The following RAB4A variants were observed in gnomAD, a reference collection of about 807,000 sequenced individuals.
RAB4A encodes the protein ras-related protein Rab-4A.
A neutral mutation model predicts 34.5 loss-of-function variants in RAB4A; 20 were observed. The ratio of observed to expected loss-of-function variants is 0.58; its 90% CI spans 0.41 to 0.84. RAB4A has a LOEUF of 0.84. Among genes scored for constraint, RAB4A ranks in the 40% least tolerant of loss-of-function variants. The probability of loss-of-function intolerance (pLI) is 0.00; values close to 1 mark genes in which losing one functional copy is unlikely to be tolerated. For missense variants in RAB4A, 228 were observed against 274.5 expected, an observed-to-expected ratio of 0.83 and a Z score of 1.20; for synonymous variants, 102 against 100.0, an observed-to-expected ratio of 1.02 and a Z score of -0.12.
intron 3 of RAB4A, among the ~76,000 whole-genome samples, chr1:229,294,361 C>A (rs1224869675): frequency 2.6e-5 from 4 of 152,294 alleles, no homozygotes; most frequent in Non-Finnish European, 2.9e-5. Context: ...GGCTGGTGAG[C>A]GGGAGGAAGA....
At chr1:229,281,847 T>TATATATATATATA (rs1257120951) in intron 1 of RAB4A, among the ~76,000 whole-genome samples, 1 of 137,646 alleles carries the variant, frequency 7.3e-6, no homozygotes, top group African/African-American at 2.6e-5. Context: ...TATATATATA[T>TATATATATATATA]CATAGTTTAC....
intron 1 of RAB4A, among the ~76,000 whole-genome samples, chr1:229,281,736 T>A (rs780650847): frequency 1.3e-5 from 2 of 151,128 alleles, no homozygotes; most frequent in Admixed American, 6.6e-5. Context: ...TTACCAAGAG[T>A]GCTGTGGAAT....
At chr1:229,297,356 T>TTCA in intron 4 of RAB4A, 126 bp from the exon 5 acceptor site, 1 of 911,820 alleles carries the variant, frequency 1.1e-6, no homozygotes, top group Non-Finnish European at 1.6e-6. Flanking sequence ...TTGTCTGAGT[T>TTCA]ATCTTAAAGG....
chr1:229,299,006 A>C lies in RAB4A; in HGVS notation c.475A>C (p.Thr159Pro). ...GATGTTTTTGGAAACAAGTGCGCTC[A>C]CAGGGGAGAATGTAGAAGAGGCTTT... Reference protein sequence around the residue: ...ELMFLETSALTGENVEEAFVQ... With the variant: ...ELMFLETSALPGENVEEAFVQ... The change falls in exon 6 of 8, where the codon ACA becomes CCA. Residue 159 changes from threonine to proline, a missense_variant. Transcript: ENST00000366690. 6.2e-7 allele frequency: 1 copy of C among 1,611,700 alleles called. No homozygotes were observed. Among genetic ancestry groups the C allele is most frequent in the Non-Finnish European group, 8.5e-7 (1 of 1,179,496 alleles).
chr1:229,276,581 G>A (rs930528511), intron 1 of RAB4A, among the ~76,000 whole-genome samples: 21 of 151,180 alleles, frequency 1.4e-4, no homozygotes, highest in African/African-American at 5.2e-4. Context: ...AATTATTCAC[G>A]CCTATGCCCC....
intron 5 of RAB4A, among the ~76,000 whole-genome samples, chr1:229,298,082 A>G (rs1244820784): frequency 6.6e-6 from 1 of 152,226 alleles, no homozygotes; most frequent in Non-Finnish European, 1.5e-5. Flanking sequence ...GACAACTTTG[A>G]AACTTTTTTG....
Position 229,302,403 on chromosome 1 carries a change from CT to C in RAB4A, c.542-457del, listed in dbSNP as rs1395225916. 3.5e-5 allele frequency among the ~76,000 whole-genome samples: 5 copies of C among 144,634 alleles called. No homozygotes were observed. The East Asian group carries it at 1.0e-3, about 30-fold the overall frequency. The allele number at this position is 144,634 out of a possible 152,430, so 94.9% of individuals were successfully genotyped here. A position where few individuals can be genotyped will look rare whatever the true frequency, so the allele number is the denominator to read the frequency against. On this transcript the variant is annotated intron_variant, in intron 6 of 7. Transcript: ENST00000366690. ...GTCAGAGAACATAAGCATTTGGGAT[CT>C]TGGTGTAGAGGCTGTCACATTTTCT...
chr1:229,291,951 G>A (rs1051948668), intron 3 of RAB4A, among the ~76,000 whole-genome samples: 2 of 151,582 alleles, frequency 1.3e-5, no homozygotes, highest in African/African-American at 4.8e-5. Flanking sequence ...ATCATTCTCA[G>A]TAAACTATCG....
chr1:229,305,217 A>C lies in RAB4A; in HGVS notation c.*1424A>C. On this transcript the variant is annotated 3_prime_UTR_variant, in exon 8 of 8. Coordinates refer to ENST00000366690, the MANE Select transcript of RAB4A (RefSeq NM_004578.4). ...TTTTATGCCTTGAATATTTTATTTCAAAAAGTATCTGAAGCAAATTCTCAG... is the reference window on the plus strand; with the variant it reads ...TTTTATGCCTTGAATATTTTATTTCCAAAAGTATCTGAAGCAAATTCTCAG... 1 of 1,610,154 alleles carries C rather than the reference A, an allele frequency of 6.2e-7. No homozygotes were observed. Among genetic ancestry groups the C allele is most frequent in the Non-Finnish European group, 8.5e-7 (1 of 1,178,434 alleles).
At chr1:229,294,888 G>A (rs1657195875) in intron 3 of RAB4A, among the ~76,000 whole-genome samples, 1 of 152,090 alleles carries the variant, frequency 6.6e-6, no homozygotes, top group Non-Finnish European at 1.5e-5. Context: ...AAAAGATGGT[G>A]CAGCATATTT....
Position 229,288,716 on chromosome 1 carries a change from TTTTC to T in RAB4A, c.113-9_113-6del. On this transcript the variant is annotated splice_polypyrimidine_tract_variant and intron_variant, in intron 2 of 7. Coordinates refer to ENST00000366690, the MANE Select transcript of RAB4A (RefSeq NM_004578.4). Reference sequence around the variant, plus strand: ...CTAAAATTAAATATGCTGTTCTTGTTTTTCTTTTTTAGTCAAAGATGACTCAAAT... The same window carrying T: ...CTAAAATTAAATATGCTGTTCTTGTTTTTTTTAGTCAAAGATGACTCAAAT... 7.4e-7 allele frequency: 1 copy of T among 1,349,096 alleles called. No homozygotes were observed. The highest frequency in any genetic ancestry group is 1.0e-6 in the Non-Finnish European group (1 of 955,626). 83.6% of individuals were successfully genotyped at this position (1,349,096 alleles called of 1,614,324 possible). A position where few individuals can be genotyped will look rare whatever the true frequency, so the allele number is the denominator to read the frequency against.
chr1:229,302,280 TATATATATATATATATATATATATATATA>T (rs1657412064), intron 6 of RAB4A, among the ~76,000 whole-genome samples: 6 of 19,818 alleles, frequency 3.0e-4, no homozygotes, highest in East Asian at 1.1e-3. Flanking sequence ...TATATATATA[TATATATATATATATATATATATATATATA>T]TTTTTTTTTT....
In RAB4A at chr1:229,305,446, C is replaced by A; in HGVS notation, c.*1653C>A. 1.5e-6 allele frequency: 1 copy of A among 672,014 alleles called. No individual in the cohort carries two copies. The highest frequency in any genetic ancestry group is 2.4e-6 in the Non-Finnish European group (1 of 423,446). The allele number at this position is 672,014 out of a possible 1,614,324, so 41.6% of individuals were successfully genotyped here. A position where few individuals can be genotyped will look rare whatever the true frequency, so the allele number is the denominator to read the frequency against. On this transcript the variant is annotated 3_prime_UTR_variant, in exon 8 of 8. Coordinates refer to ENST00000366690, the MANE Select transcript of RAB4A (RefSeq NM_004578.4). The stretch of plus-strand genomic sequence containing the variant: ...TTATAAACGATCCTGTTAATTAAAC[C>A]ACAGACACCATATATCCTTCTGCAT...
chr1:229,286,471 C>G lies in RAB4A; in HGVS notation c.32-15C>G. ...TATTTTGAAGTTATTTTCACAGTCT[C>G]TTTTTATCTTTCAGATTTTTTGTTT... On this transcript the variant is annotated splice_polypyrimidine_tract_variant and intron_variant, in intron 1 of 7. Coordinates refer to ENST00000366690, the MANE Select transcript of RAB4A (RefSeq NM_004578.4). The G allele has an allele frequency of 6.6e-7, 1 of 1,504,156 alleles. No homozygotes were observed. The highest frequency in any genetic ancestry group is 1.2e-5 in the South Asian group (1 of 80,754). 93.2% of individuals were successfully genotyped at this position (1,504,156 alleles called of 1,614,324 possible).
chr1:229,278,209 A>C (rs1246813509), intron 1 of RAB4A, among the ~76,000 whole-genome samples: 2 of 151,868 alleles, frequency 1.3e-5, no homozygotes, highest in Non-Finnish European at 2.9e-5. Context: ...TTCAGATAAG[A>C]CTCATGGCTT....
Position 229,288,838 on chromosome 1 carries a change from A to G in RAB4A, c.222A>G (p.Arg74=). ...TATGGGATACAGCAGGACAAGAACGATTCAGGTAGCTTTTCTCTAACTTAA... is the reference window on the plus strand; with the variant it reads ...TATGGGATACAGCAGGACAAGAACGGTTCAGGTAGCTTTTCTCTAACTTAA... ...LQIWDTAGQE[R]FRSVTRSYYR... Residue 74 remains arginine, a synonymous_variant, in exon 3 of 8, where the codon CGA becomes CGG. Coordinates refer to ENST00000366690, the MANE Select transcript of RAB4A (RefSeq NM_004578.4). 6.7e-7 allele frequency: 1 copy of G among 1,499,218 alleles called. No homozygotes were observed. The highest frequency in any genetic ancestry group is 9.2e-7 in the Non-Finnish European group (1 of 1,086,754). 92.9% of individuals were successfully genotyped at this position (1,499,218 alleles called of 1,614,324 possible).
At chr1:229,278,372 G>A (rs772996244) in intron 1 of RAB4A, among the ~76,000 whole-genome samples, 21 of 152,184 alleles carry the variant, frequency 1.4e-4, no homozygotes, top group Non-Finnish European at 1.6e-4. Context: ...TTCCAGCTGG[G>A]TACTCAGTAA....
intron 1 of RAB4A, among the ~76,000 whole-genome samples, chr1:229,284,444 GTTC>G (rs1181530061): frequency 1.3e-5 from 2 of 152,090 alleles, no homozygotes; most frequent in Non-Finnish European, 2.9e-5. Flanking sequence ...ATAGGAAAAA[GTTC>G]TTCTACTCCA....
At chr1:229,300,219 C>G (rs1272320872) in intron 6 of RAB4A, among the ~76,000 whole-genome samples, 1 of 152,156 alleles carries the variant, frequency 6.6e-6, no homozygotes, top group Non-Finnish European at 1.5e-5. Context: ...TTCTAATGTT[C>G]ATCCAAGATT....
Sources: gnomAD v4.1 joint callset for allele counts (sites outside exome capture counted in the v4.1 genomes callset) on GRCh38, gnomAD v4.1.1 for gene constraint, MANE v1.5 for transcripts, NCBI Gene and HGNC (gene_info 2026-07-23, HGNC 2026-07-21) for gene names.